The following VSIG1 variants were observed in gnomAD, a reference collection of about 807,000 sequenced individuals.
VSIG1 encodes the protein V-set and immunoglobulin domain containing 1, also known as V-set and immunoglobulin domain-containing protein 1.
In VSIG1, 11 loss-of-function variants were observed where a neutral mutation model predicts 20.1. The observed-to-expected ratio is 0.55, with a 90% CI of 0.34 to 0.91. The LOEUF (loss-of-function observed/expected upper bound fraction) is 0.91. Among genes scored for constraint, VSIG1 ranks in the 40% least tolerant of loss-of-function variants. The probability of loss-of-function intolerance (pLI) is 0.02; values close to 1 mark genes in which losing one functional copy is unlikely to be tolerated. For missense variants in VSIG1, 283 were observed against 298.8 expected, an observed-to-expected ratio of 0.95 and a Z score of 0.39; for synonymous variants, 126 against 116.7, an observed-to-expected ratio of 1.08 and a Z score of -0.52.
intron 1 of VSIG1, among the ~76,000 whole-genome samples, chrX:108,046,085 G>A (rs1303981935): frequency 9.0e-6 from 1 of 111,426 alleles, no homozygotes; most frequent in Non-Finnish European, 1.9e-5. Context: ...GGTTGCCTCT[G>A]GGTGATGGGA....
chrX:108,064,662 C>G (rs1270758168), intron 2 of VSIG1: 3 of 589,578 alleles, frequency 5.1e-6, no homozygotes, highest in Non-Finnish European at 4.1e-6. Context: ...ATTGTGATGT[C>G]ATCAAGCATC....
Position 108,077,472 on chromosome X carries a change from C to G in VSIG1, c.*91C>G. The G allele has an allele frequency of 9.8e-7, 1 of 1,018,980 alleles. No homozygotes were observed. 84.0% of individuals were successfully genotyped at this position (1,018,980 alleles called of 1,213,427 possible). ...CCTAACCAACCTCCACCTCCTCCTT[C>G]CATTTTGACCAACCTTCTTCTAACA... On this transcript the variant is annotated 3_prime_UTR_variant, in exon 7 of 7. Transcript: ENST00000217957.
intron 5 of VSIG1, among the ~76,000 whole-genome samples, chrX:108,075,563 C>T (rs2031332493): frequency 9.0e-6 from 1 of 111,492 alleles, no homozygotes; most frequent in South Asian, 3.8e-4. Context: ...AGGTCTGGTG[C>T]TCAGCTGGAT....
At chrX:108,036,273 C>CT in the VSIG1 span, among the ~76,000 whole-genome samples, 1 of 108,435 alleles carries the variant, frequency 9.2e-6, no homozygotes, top group Non-Finnish European at 1.9e-5. Flanking sequence ...TAGAATGTGA[C>CT]TTTTTTGTGG....
intron 1 of VSIG1, among the ~76,000 whole-genome samples, chrX:108,048,001 T>TATACAC (rs1555980440): frequency 3.4e-5 from 2 of 59,547 alleles, no homozygotes; most frequent in African/African-American, 1.5e-4. Context: ...TATATATATA[T>TATACAC]ACACATATAT....
chrX:108,030,414 G>A, the VSIG1 span, among the ~76,000 whole-genome samples: 1 of 111,902 alleles, frequency 8.9e-6, no homozygotes, highest in Non-Finnish European at 1.9e-5. Flanking sequence ...TGACCCAATA[G>A]GGCCCTCCAA....
At position 108,047,917 on chromosome X, in the gene VSIG1, T is replaced by TATAC. The variant is rs1555980355; in HGVS notation, c.49+2739_49+2740insTACA. On this transcript the variant is annotated intron_variant, in intron 1 of 6. Transcript: ENST00000217957. ...ATATATATATATACACATATATATATACACATATATATATATACACATATA... is the reference window on the plus strand; with the variant it reads ...ATATATATATATACACATATATATATATACACACATATATATATATACACATATA... Among the ~76,000 whole-genome samples the TATAC allele has an allele frequency of 2.8e-4, 15 of 53,829 alleles. 1 individual carries two copies. In the South Asian group the frequency reaches 3.6e-3, roughly 13 times the overall value. 46.7% of individuals were successfully genotyped at this position (53,829 alleles called of 115,157 possible).
At chrX:108,074,518 T>C (rs1650323333) in intron 5 of VSIG1, among the ~76,000 whole-genome samples, 1 of 111,624 alleles carries the variant, frequency 9.0e-6, no homozygotes, top group African/African-American at 3.3e-5. Context: ...TCTACTGTGT[T>C]CCAGGGACTG....
At chrX:108,064,504 A>G (rs2031089306) in intron 2 of VSIG1, among the ~76,000 whole-genome samples, 1 of 111,748 alleles carries the variant, frequency 8.9e-6, no homozygotes, top group East Asian at 2.8e-4. Context: ...ACACATGGAT[A>G]CAGTGGACAC....
At chrX:108,039,776 T>A in the VSIG1 span, among the ~76,000 whole-genome samples, 1 of 110,655 alleles carries the variant, frequency 9.0e-6, no homozygotes, top group Admixed American at 9.7e-5. Context: ...CCCAAAGAAT[T>A]TGCTGACAAA....
chrX:108,056,627 A>G (rs1460421492), intron 1 of VSIG1, among the ~76,000 whole-genome samples: 2 of 112,770 alleles, frequency 1.8e-5, no homozygotes, highest in Admixed American at 9.4e-5. Flanking sequence ...AATCCCATTA[A>G]AAGATATTTA....
chrX:108,052,932 C>T (rs1367991533), intron 1 of VSIG1, among the ~76,000 whole-genome samples: 1 of 110,108 alleles, frequency 9.1e-6, no homozygotes, highest in African/African-American at 3.3e-5. Flanking sequence ...TGTTTGTCCC[C>T]TCCCCCCAAA....
intron 1 of VSIG1, among the ~76,000 whole-genome samples, chrX:108,048,824 T>C (rs1167564249): frequency 8.9e-6 from 1 of 112,471 alleles, no homozygotes; most frequent in Non-Finnish European, 1.9e-5. Flanking sequence ...ATAATTCTAT[T>C]TGGGCTACTG....
At chrX:108,073,157 T>TG in intron 4 of VSIG1, 93 bp from the exon 5 acceptor site, 1 of 1,033,495 alleles carries the variant, frequency 9.7e-7, no homozygotes, top group South Asian at 2.2e-5. Flanking sequence ...GAGGCCAATA[T>TG]GGGGGAGTGG....
In VSIG1 at chrX:108,078,835, A is replaced by G. The variant is rs1239626588; in HGVS notation, c.*1454A>G. ...AGTGAACTCTTAAGATCTATTTTAGATAATTTCAACTAATTAAATAACCTG... is the reference window on the plus strand; with the variant it reads ...AGTGAACTCTTAAGATCTATTTTAGGTAATTTCAACTAATTAAATAACCTG... On this transcript the variant is annotated 3_prime_UTR_variant, in exon 7 of 7. Coordinates refer to ENST00000217957, the MANE Select transcript of VSIG1 (RefSeq NM_182607.5). 8.9e-6 allele frequency: 1 copy of G among 112,231 alleles called. No homozygotes were observed. Among genetic ancestry groups the G allele is most frequent in the African/African-American group, 3.2e-5 (1 of 30,810 alleles). 9.2% of individuals were successfully genotyped at this position (112,231 alleles called of 1,213,427 possible).
chrX:108,070,147 G>A (rs183490253), intron 3 of VSIG1, among the ~76,000 whole-genome samples: 13 of 112,509 alleles, frequency 1.2e-4, no homozygotes, highest in African/African-American at 3.9e-4. Flanking sequence ...TCTACCTTCC[G>A]CAATTTGGCA....
At position 108,047,961 on chromosome X, in the gene VSIG1, CATATATATATATATATATATATAT is replaced by C. The variant is rs1172282311; in HGVS notation, c.49+2800_49+2823del. ...ACATATATATATATATATACACACA[CATATATATATATATATATATATAT>C]ATATATATATATATATACACATATA... On this transcript the variant is annotated intron_variant, in intron 1 of 6. Coordinates refer to ENST00000217957, the MANE Select transcript of VSIG1 (RefSeq NM_182607.5). Among the ~76,000 whole-genome samples the C allele has an allele frequency of 1.1e-3, 22 of 19,932 alleles. 2 individuals carry two copies. In the Admixed American group the frequency reaches 0.012, roughly 11 times the overall value. The allele number at this position is 19,932 out of a possible 115,157, so 17.3% of individuals were successfully genotyped here. A position where few individuals can be genotyped will look rare whatever the true frequency, so the allele number is the denominator to read the frequency against.
chrX:108,045,964 G>C, intron 1 of VSIG1, among the ~76,000 whole-genome samples: 1 of 111,519 alleles, frequency 9.0e-6, no homozygotes, highest in East Asian at 2.8e-4. Context: ...TTTACTAGGC[G>C]TATTAATGAC....
At chrX:108,018,937 C>T in the VSIG1 span, among the ~76,000 whole-genome samples, 19 of 111,370 alleles carry the variant, frequency 1.7e-4, no homozygotes, top group Non-Finnish European at 3.2e-4. Context: ...TGTTCCTGGG[C>T]TTCAGGGCAG....
Sources: gnomAD v4.1 joint callset for allele counts (sites outside exome capture counted in the v4.1 genomes callset) on GRCh38, gnomAD v4.1.1 for gene constraint, MANE v1.5 for transcripts, NCBI Gene and HGNC (gene_info 2026-07-23, HGNC 2026-07-21) for gene names.